DDX42: variants seen among roughly 807,000 people sequenced by gnomAD.
DDX42 encodes DEAD-box helicase 42.
DDX42 carries 22 observed loss-of-function variants against 101.5 expected under a neutral mutation model. The observed-to-expected ratio is 0.22, with a 90% confidence interval of 0.15 to 0.31. The LOEUF (loss-of-function observed/expected upper bound fraction) is 0.31. DDX42 is among the 10% of genes least tolerant of loss of function. DDX42 has a pLI of 1.00. For missense variants in DDX42, 849 were observed against 1,199.9 expected (o/e 0.71, Z 4.32); for synonymous variants, 402 against 401.2 (o/e 1.00, Z -0.02).
chr17:63,805,452 C>T (rs1397825829), intron 7 of DDX42: 1 of 273,412 alleles, frequency 3.7e-6, no homozygotes, highest in Non-Finnish European at 6.8e-6. Flanking sequence ...GGTGGGAGTC[C>T]CCATCTAAAG....
intron 1 of DDX42, among the ~76,000 whole-genome samples, chr17:63,785,051 A>C (rs1438065747): frequency 6.6e-6 from 1 of 152,256 alleles, no homozygotes; most frequent in Non-Finnish European, 1.5e-5. Context: ...ACACATATGC[A>C]TACAAGTAGC....
In DDX42 at chr17:63,800,537, C is replaced by G; in HGVS notation, c.541C>G (p.Leu181Val). The change falls in exon 6 of 18, where the codon CTA (leucine) becomes GTA (valine). Residue 181 changes from leucine to valine, a missense_variant. This residue lies in a region of DDX42 where 370 missense variants were observed against 608.8 expected (regional missense o/e 0.61). Transcript: ENST00000389924. ...GGTTCAGGAGGAAGAGGAAGACAAT[C>G]TAGAATATGATAGTGACGGAAATCC... is the stretch of plus-strand genomic sequence containing the variant. ...GVVQEEEEDN[L>V]EYDSDGNPIA... 1 of 1,614,036 alleles carries G rather than the reference C, an allele frequency of 6.2e-7. No individual in the cohort carries two copies. Among genetic ancestry groups the G allele is most frequent in the Non-Finnish European group, 8.5e-7 (1 of 1,179,978 alleles).
chr17:63,797,938 A>G (rs1487486366), intron 3 of DDX42, 100 bp from the exon 4 acceptor site: 15 of 1,107,994 alleles, frequency 1.4e-5, no homozygotes, highest in Non-Finnish European at 2.0e-5. Context: ...CACTTGTCAA[A>G]TACATAGCTA....
intron 14 of DDX42, among the ~76,000 whole-genome samples, chr17:63,812,738 G>T (rs747870797): frequency 1.4e-4 from 21 of 152,026 alleles, no homozygotes; most frequent in Non-Finnish European, 2.5e-4. Flanking sequence ...AAAGATAAAA[G>T]TCCCAGTCGG....
intron 4 of DDX42, among the ~76,000 whole-genome samples, chr17:63,799,061 T>G (rs375866885): frequency 2.0e-5 from 3 of 152,226 alleles, no homozygotes; most frequent in East Asian, 1.9e-4. Context: ...GTGAACTGTT[T>G]AAGCGTTTTA....
chr17:63,817,476 A>G, intron 17 of DDX42: 7 of 524,614 alleles, frequency 1.3e-5, no homozygotes, highest in Non-Finnish European at 2.4e-5. Context: ...ATAAAAGTAC[A>G]TTTCAGAACA....
At chr17:63,774,161 C>G, upstream of DDX42, 2 of 266,118 alleles carry the variant, frequency 7.5e-6, 1 homozygote, top group Admixed American at 1.1e-4. Flanking sequence ...CTGCGCATGT[C>G]GCGTTTTTGT....
chr17:63,798,786 T>C (rs1217391106), intron 4 of DDX42, among the ~76,000 whole-genome samples: 1 of 152,236 alleles, frequency 6.6e-6, no homozygotes, highest in Non-Finnish European at 1.5e-5. Context: ...TTTCTCCCTG[T>C]GCTTGGCAGT....
Position 63,818,393 on chromosome 17 carries a change from A to C in DDX42, c.2812A>C (p.Ser938Arg). Residue 938 changes from serine to arginine, a missense_variant, in exon 18 of 18, where the codon AGT becomes CGT. Ser to Arg is a moderately radical substitution (Grantham distance 110). Coordinates refer to ENST00000389924, the MANE Select transcript of DDX42 (RefSeq NM_203499.3). ...PPKRKKSRWD[S>R] ...TAAACGCAAGAAAAGTCGATGGGAC[A>C]GTTAGAGGGGATGTGCTAAAGCGTG... 2 of 1,611,998 alleles carry C rather than the reference A, an allele frequency of 1.2e-6. No homozygotes were observed. Among genetic ancestry groups the C allele is most frequent in the Non-Finnish European group, 1.7e-6 (2 of 1,179,122 alleles).
At chr17:63,791,625 C>A (rs1401818273) in intron 2 of DDX42, among the ~76,000 whole-genome samples, 1 of 152,088 alleles carries the variant, frequency 6.6e-6, no homozygotes, top group Non-Finnish European at 1.5e-5. Flanking sequence ...CATTTATTTT[C>A]AATTCCGGAA....
At chr17:63,774,664 G>A (rs1003872478) in intron 1 of DDX42, 1 of 152,632 alleles carries the variant, frequency 6.6e-6, no homozygotes, top group African/African-American at 2.4e-5. Flanking sequence ...CTAGGAAAAG[G>A]ATTTGCAGGG....
rs973483037 is a variant in DDX42 at position 63,808,304 on chromosome 17, G to A, written c.1023+404G>A. On this transcript the variant is annotated intron_variant, in intron 9 of 17. Coordinates refer to ENST00000389924, the MANE Select transcript of DDX42 (RefSeq NM_203499.3). ...GCAATTCTCCTGCCTCAGCCGAGAGGCTGGGATCACGGGCACACGCCACCA... is the reference window on the plus strand; with the variant it reads ...GCAATTCTCCTGCCTCAGCCGAGAGACTGGGATCACGGGCACACGCCACCA... 1.4e-4 allele frequency among the ~76,000 whole-genome samples: 21 copies of A among 152,242 alleles called. No individual in the cohort carries two copies. In the East Asian group the frequency reaches 3.7e-3, roughly 27 times the overall value.
intron 6 of DDX42, 129 bp downstream of exon 6, chr17:63,800,746 A>G: frequency 8.7e-7 from 1 of 1,144,400 alleles, no homozygotes; most frequent in Non-Finnish European, 1.2e-6. Flanking sequence ...ATCTCTACTA[A>G]GTGGTTGAGC....
intron 17 of DDX42, 157 bp downstream of exon 17, chr17:63,817,123 C>G (rs2039986306): frequency 3.3e-6 from 2 of 600,962 alleles, no homozygotes; most frequent in Non-Finnish European, 5.8e-6. Flanking sequence ...CTAACAGTAG[C>G]TTAGTTGGAA....
rs149311499 is a variant in DDX42 at position 63,806,400 on chromosome 17, A to C, written c.727-135A>C. On this transcript the variant is annotated intron_variant, in intron 7 of 17. Transcript: ENST00000389924. The stretch of plus-strand genomic sequence containing the variant: ...ATTTGAGGTTTTTCCTTTTCATTGT[A>C]TGATTTTGGCTTACAGACTTGTATT... The C allele has an allele frequency of 6.5e-6, 6 of 925,776 alleles. No individual in the cohort carries two copies. The East Asian group carries it at 1.8e-4, about 27-fold the overall frequency. 57.3% of individuals were successfully genotyped at this position (925,776 alleles called of 1,614,324 possible).
At chr17:63,813,048 A>G (rs1165189721) in intron 14 of DDX42, among the ~76,000 whole-genome samples, 180 bp from the exon 15 acceptor site, 2 of 152,140 alleles carry the variant, frequency 1.3e-5, no homozygotes, top group Non-Finnish European at 2.9e-5. Context: ...CCCTTACACT[A>G]GAAGGCCTAA....
At chr17:63,794,850 C>T (rs2039673266) in intron 3 of DDX42, among the ~76,000 whole-genome samples, 1 of 150,592 alleles carries the variant, frequency 6.6e-6, no homozygotes, top group Non-Finnish European at 1.5e-5. Flanking sequence ...GCAGGAGAAT[C>T]GCTTGAACCT....
In DDX42 at chr17:63,817,687, C is replaced by T. The variant is rs1038735377; in HGVS notation, c.2113-7C>T. 2 of 1,610,792 alleles carry T rather than the reference C, an allele frequency of 1.2e-6. No homozygotes were observed. The highest frequency in any genetic ancestry group is 2.7e-5 in the African/African-American group (2 of 74,846). On this transcript the variant is annotated splice_region_variant and splice_polypyrimidine_tract_variant and intron_variant, in intron 17 of 17. Coordinates refer to ENST00000389924, the MANE Select transcript of DDX42 (RefSeq NM_203499.3). ...TTACCTACTCCTGATGTCTCTTTCTCTTTCAGTCACAGTACAAGAGTCACT... is the reference window on the plus strand; with the variant it reads ...TTACCTACTCCTGATGTCTCTTTCTTTTTCAGTCACAGTACAAGAGTCACT...
chr17:63,817,933 C>T lies in DDX42; in HGVS notation c.2352C>T (p.Ala784=). Residue 784 remains alanine, a synonymous_variant, in exon 18 of 18, where the codon GCC becomes GCT. Transcript: ENST00000389924. ...CTGTGACCTACCCGTCTGCCGGAGCCCAAGGAGTCAACAACACAGCTTCAG... is the reference window on the plus strand; with the variant it reads ...CTGTGACCTACCCGTCTGCCGGAGCTCAAGGAGTCAACAACACAGCTTCAG... ...GAPVTYPSAG[A]QGVNNTASGN... 6.2e-7 allele frequency: 1 copy of T among 1,614,070 alleles called. No homozygotes were observed. The highest frequency in any genetic ancestry group is 8.5e-7 in the Non-Finnish European group (1 of 1,180,024).
Sources: allele counts gnomAD v4.1 joint callset (sites outside exome capture counted in the v4.1 genomes callset), GRCh38; gene constraint gnomAD v4.1.1; regional missense constraint gnomAD v4.1.1; transcripts MANE v1.5; gene names NCBI Gene and HGNC (gene_info 2026-07-23, HGNC 2026-07-21).